CACNA2D3: variants seen among roughly 807,000 people sequenced by gnomAD.
The protein encoded by CACNA2D3 is voltage-dependent calcium channel subunit alpha-2/delta-3.
CACNA2D3 carries 60 observed loss-of-function variants against 160.6 expected under a neutral mutation model. The ratio of observed to expected loss-of-function variants is 0.37; its 90% CI spans 0.30 to 0.46. CACNA2D3 has a LOEUF of 0.46. Among genes scored for constraint, CACNA2D3 ranks in the 20% least tolerant of loss-of-function variants. CACNA2D3 has a pLI of 1.00. For missense variants in CACNA2D3, 1,205 were observed against 1,365.0 expected, an observed-to-expected ratio of 0.88 and a Z score of 1.85; for synonymous variants, 558 against 492.9, an observed-to-expected ratio of 1.13 and a Z score of -1.75.
At chr3:54,854,901 C>T (rs1245077081) in intron 17 of CACNA2D3, among the ~76,000 whole-genome samples, 1 of 152,190 alleles carries the variant, frequency 6.6e-6, no homozygotes, top group Non-Finnish European at 1.5e-5. Context: ...AATTACCCAC[C>T]TCTGTGAGCC....
intron 2 of CACNA2D3, among the ~76,000 whole-genome samples, chr3:54,157,728 T>A (rs1576966368): frequency 6.7e-6 from 1 of 150,260 alleles, no homozygotes; most frequent in Non-Finnish European, 1.5e-5. Context: ...GAGGCGGGGG[T>A]TGCAGCGAGC....
At chr3:54,587,619 A>G (rs1702786032) in intron 9 of CACNA2D3, among the ~76,000 whole-genome samples, 1 of 152,128 alleles carries the variant, frequency 6.6e-6, no homozygotes, top group African/African-American at 2.4e-5. Context: ...CAATATCAGG[A>G]ATGAAACAAG....
At chr3:54,654,301 T>A (rs1699835245) in intron 11 of CACNA2D3, among the ~76,000 whole-genome samples, 1 of 152,076 alleles carries the variant, frequency 6.6e-6, no homozygotes, top group Non-Finnish European at 1.5e-5. Flanking sequence ...GGGGTTAGGG[T>A]GCCCTCCGGG....
At chr3:54,929,298 C>T (rs901982394) in intron 27 of CACNA2D3, among the ~76,000 whole-genome samples, 6 of 152,126 alleles carry the variant, frequency 3.9e-5, no homozygotes, top group African/African-American at 1.2e-4. Context: ...CATAAGTGTT[C>T]ACAATTTTGC....
At chr3:54,362,818 T>C (rs1345160659) in intron 3 of CACNA2D3, among the ~76,000 whole-genome samples, 1 of 152,218 alleles carries the variant, frequency 6.6e-6, no homozygotes, top group Non-Finnish European at 1.5e-5. Flanking sequence ...GTGTGGACCA[T>C]GTACAAATGT....
chr3:54,140,714 A>T (rs1432302791), intron 2 of CACNA2D3, among the ~76,000 whole-genome samples: 3 of 152,182 alleles, frequency 2.0e-5, no homozygotes, highest in Non-Finnish European at 2.9e-5. Flanking sequence ...CCACCCTCTG[A>T]TGTCAGTGGT....
intron 11 of CACNA2D3, among the ~76,000 whole-genome samples, chr3:54,671,526 A>T (rs1208629809): frequency 6.6e-6 from 1 of 152,168 alleles, no homozygotes. Context: ...AAAAGTGACA[A>T]GGAGAACAGA....
chr3:54,840,832 C>T lies in CACNA2D3; in HGVS notation c.1551+2184C>T, dbSNP rs756539404. ...CCACCTCCTGGGTTCACGCCATTCT[C>T]CTGCCTCAGCCCCCCGAGTAGCTGG... On this transcript the variant is annotated intron_variant, in intron 16 of 37. Coordinates refer to ENST00000474759, the MANE Select transcript of CACNA2D3 (RefSeq NM_018398.3). 1.4e-3 allele frequency among the ~76,000 whole-genome samples: 207 copies of T among 150,618 alleles called. 1 individual carries two copies. The highest frequency in any genetic ancestry group is 2.3e-3 in the Non-Finnish European group (157 of 67,846).
At chr3:54,291,479 A>T (rs1307906784) in intron 2 of CACNA2D3, among the ~76,000 whole-genome samples, 1 of 152,194 alleles carries the variant, frequency 6.6e-6, no homozygotes, top group Non-Finnish European at 1.5e-5. Context: ...CACAGTTCAT[A>T]GAACCTCTTG....
rs1430556361 is a variant in CACNA2D3, at chr3:54,642,426, CTT to C, written c.1167+188_1167+189del. Reference sequence around the variant, plus strand: ...CTTTTCTTGTTTTCAAAAAATGAAACTTTTGGAGGAGAGAAGAAACTTGTAAA... The same window carrying C: ...CTTTTCTTGTTTTCAAAAAATGAAACTTGGAGGAGAGAAGAAACTTGTAAA... On this transcript the variant is annotated intron_variant, in intron 11 of 37. Coordinates refer to ENST00000474759, the MANE Select transcript of CACNA2D3 (RefSeq NM_018398.3). Among the ~76,000 whole-genome samples, 9 of 151,980 alleles carry C rather than the reference CTT, an allele frequency of 5.9e-5. No homozygotes were observed. In the East Asian group the frequency reaches 1.4e-3, roughly 23 times the overall value.
At position 54,763,788 on chromosome 3, in the gene CACNA2D3, T is replaced by TATATATAC. The variant is rs374469206; in HGVS notation, c.1247-430_1247-429insATATATAC. Among the ~76,000 whole-genome samples the TATATATAC allele has an allele frequency of 5.7e-4, 22 of 38,542 alleles. 3 individuals carry two copies. The highest frequency in any genetic ancestry group is 1.7e-3 in the Admixed American group (5 of 2,998). 25.3% of individuals were successfully genotyped at this position (38,542 alleles called of 152,430 possible). A position where few individuals can be genotyped will look rare whatever the true frequency, so the allele number is the denominator to read the frequency against. On this transcript the variant is annotated intron_variant, in intron 12 of 37. Transcript: ENST00000474759. The stretch of plus-strand genomic sequence containing the variant: ...ATATATGTATATATGTACATATATA[T>TATATATAC]GTATATATATGTACATATATATACA...
intron 13 of CACNA2D3, among the ~76,000 whole-genome samples, chr3:54,782,059 AC>A (rs1702547917): frequency 6.6e-6 from 1 of 152,232 alleles, no homozygotes; most frequent in African/African-American, 2.4e-5. Flanking sequence ...GTCCAGTTTT[AC>A]CAGTAAGAGT....
intron 4 of CACNA2D3, among the ~76,000 whole-genome samples, chr3:54,480,933 A>G (rs897906124): frequency 1.3e-5 from 2 of 152,240 alleles, no homozygotes; most frequent in Admixed American, 6.5e-5. Flanking sequence ...AGAATGTCCA[A>G]GCCTTCTCAC....
Position 54,813,276 on chromosome 3 carries a change from A to C in CACNA2D3, c.1381-3577A>C, listed in dbSNP as rs1330446808. 2.6e-5 allele frequency among the ~76,000 whole-genome samples: 4 copies of C among 152,318 alleles called. No homozygotes were observed. In the East Asian group the frequency reaches 5.8e-4, roughly 22 times the overall value. On this transcript the variant is annotated intron_variant, in intron 13 of 37. Coordinates refer to ENST00000474759, the MANE Select transcript of CACNA2D3 (RefSeq NM_018398.3). Reference sequence around the variant, plus strand: ...GAGTAAATGAGGAAATAGACCCAGCAAGGCAGAGCCTGGTTGGCAATGCCT... The same window carrying C: ...GAGTAAATGAGGAAATAGACCCAGCCAGGCAGAGCCTGGTTGGCAATGCCT...
In CACNA2D3 at chr3:54,717,356, C is replaced by T. The variant is rs576308761; in HGVS notation, c.1168-35243C>T. On this transcript the variant is annotated intron_variant, in intron 11 of 37. Transcript: ENST00000474759. Reference sequence around the variant, plus strand: ...AGGGAATATCCAGGAGTCGAATTACCACCTCAAAAGGTATACATGTGTTCT... The same window carrying T: ...AGGGAATATCCAGGAGTCGAATTACTACCTCAAAAGGTATACATGTGTTCT... Among the ~76,000 whole-genome samples the T allele has an allele frequency of 2.2e-4, 34 of 152,312 alleles. No individual in the cohort carries two copies. The East Asian group carries it at 5.0e-3, about 22-fold the overall frequency.
intron 12 of CACNA2D3, among the ~76,000 whole-genome samples, chr3:54,763,260 A>G (rs1702116776): frequency 6.6e-6 from 1 of 152,100 alleles, no homozygotes; most frequent in Non-Finnish European, 1.5e-5. Flanking sequence ...TGGACTCATC[A>G]TCTGTATTTG....
intron 4 of CACNA2D3, among the ~76,000 whole-genome samples, chr3:54,404,815 T>C (rs1468068590): frequency 6.6e-6 from 1 of 152,088 alleles, no homozygotes; most frequent in Admixed American, 6.5e-5. Flanking sequence ...TGTATTTCTA[T>C]ATACAAATAA....
intron 27 of CACNA2D3, chr3:54,918,129 A>C: frequency 5.0e-6 from 1 of 201,760 alleles, no homozygotes. Context: ...TGCTTTGTAA[A>C]AGGAACTTAA....
intron 9 of CACNA2D3, among the ~76,000 whole-genome samples, chr3:54,598,791 T>C (rs1208011427): frequency 2.0e-5 from 3 of 152,322 alleles, no homozygotes; most frequent in Admixed American, 6.5e-5. Context: ...GTCCACACTT[T>C]GATTCACGCT....
Sources: gnomAD v4.1 joint callset for allele counts (sites outside exome capture counted in the v4.1 genomes callset) on GRCh38, gnomAD v4.1.1 for gene constraint, MANE v1.5 for transcripts, NCBI Gene and HGNC (gene_info 2026-07-23, HGNC 2026-07-21) for gene names.